The following RXFP1 variants were observed in gnomAD, a reference collection of about 807,000 sequenced individuals.
RXFP1 encodes relaxin receptor 1.
A neutral mutation model predicts 89.8 loss-of-function variants in RXFP1; 73 were observed. The ratio of observed to expected loss-of-function variants is 0.81; its 90% CI spans 0.67 to 0.99. The LOEUF (loss-of-function observed/expected upper bound fraction) is 0.99. Among genes scored for constraint, RXFP1 ranks in the 50% least tolerant of loss-of-function variants. RXFP1 has a pLI of 0.00. For synonymous variants in RXFP1, 277 were observed against 305.5 expected (o/e 0.91, Z 0.97); for missense variants, 793 against 895.5 (o/e 0.89, Z 1.46).
At chr4:158,609,142 T>C (rs1763084659) in intron 6 of RXFP1, among the ~76,000 whole-genome samples, 1 of 152,242 alleles carries the variant, frequency 6.6e-6, no homozygotes, top group South Asian at 2.1e-4. Context: ...CTTTCACTTC[T>C]TCTGGGTATA....
intron 1 of RXFP1, among the ~76,000 whole-genome samples, chr4:158,527,845 G>T (rs1579335701): frequency 6.6e-6 from 1 of 152,058 alleles, no homozygotes; most frequent in East Asian, 1.9e-4. Flanking sequence ...AGGCCATATA[G>T]CTGTGTTCCC....
chr4:158,543,977 A>G (rs2149843398), intron 1 of RXFP1: 1 of 985,476 alleles, frequency 1.0e-6, no homozygotes, highest in Admixed American at 6.1e-5. Flanking sequence ...GCATTCTGCC[A>G]TGTTTCGTCC....
intron 4 of RXFP1, among the ~76,000 whole-genome samples, chr4:158,601,521 GC>G (rs1241208443): frequency 6.6e-6 from 1 of 152,142 alleles, no homozygotes. Context: ...ATTATCTTGT[GC>G]TTTAGGTTGA....
At chr4:158,532,858 T>C (rs562015726) in intron 1 of RXFP1, among the ~76,000 whole-genome samples, 13 of 152,290 alleles carry the variant, frequency 8.5e-5, no homozygotes, top group African/African-American at 3.1e-4. Flanking sequence ...AGACCCTGCT[T>C]CTCCTAGAGA....
chr4:158,626,684 T>C (rs1766912217), intron 9 of RXFP1, 136 bp from the exon 10 acceptor site: 2 of 467,408 alleles, frequency 4.3e-6, no homozygotes, highest in Middle Eastern at 3.8e-4. Context: ...GTAATAGAAA[T>C]GGCTACAAGT....
At chr4:158,579,126 G>C (rs915727411) in intron 2 of RXFP1, among the ~76,000 whole-genome samples, 1 of 151,316 alleles carries the variant, frequency 6.6e-6, no homozygotes, top group African/African-American at 2.4e-5. Context: ...GCTGCCACAA[G>C]CCAAGGAACA....
At chr4:158,619,725 G>C (rs1427307213) in intron 9 of RXFP1, among the ~76,000 whole-genome samples, 3 of 152,028 alleles carry the variant, frequency 2.0e-5, no homozygotes, top group African/African-American at 7.2e-5. Flanking sequence ...GCCTTTGGGA[G>C]TGGGACAGAA....
chr4:158,604,253 G>A (rs888533702), intron 4 of RXFP1, among the ~76,000 whole-genome samples: 15 of 152,054 alleles, frequency 9.9e-5, no homozygotes, highest in Admixed American at 3.3e-4. Flanking sequence ...TATCCGCTCC[G>A]TGGTACTATA....
chr4:158,561,626 C>CTTTT (rs70962615), intron 1 of RXFP1, among the ~76,000 whole-genome samples: 5 of 112,614 alleles, frequency 4.4e-5, no homozygotes, highest in South Asian at 2.9e-4. Flanking sequence ...TTCTTTTTTT[C>CTTTT]TTTTTTTTTT....
At chr4:158,590,611 G>A (rs1759254174) in intron 2 of RXFP1, among the ~76,000 whole-genome samples, 1 of 152,152 alleles carries the variant, frequency 6.6e-6, no homozygotes, top group African/African-American at 2.4e-5. Flanking sequence ...GGAAGCCATA[G>A]CAATAATTTA....
chr4:158,553,803 G>A (rs1462690340), intron 1 of RXFP1, among the ~76,000 whole-genome samples: 1 of 152,084 alleles, frequency 6.6e-6, no homozygotes, highest in Non-Finnish European at 1.5e-5. Flanking sequence ...GCCAGAGAGA[G>A]ACTTTACTTC....
Position 158,621,493 on chromosome 4 carries a change from A to G in RXFP1, c.755+4288A>G, listed in dbSNP as rs553883148. 2.0e-5 allele frequency among the ~76,000 whole-genome samples: 3 copies of G among 152,348 alleles called. No homozygotes were observed. The South Asian group carries it at 6.2e-4, about 32-fold the overall frequency. On this transcript the variant is annotated intron_variant, in intron 9 of 17. Coordinates refer to ENST00000307765, the MANE Select transcript of RXFP1 (RefSeq NM_021634.4). ...TTAGTATCATCAAAAGAAAGAAGGT[A>G]TAGTGCATTGAGTAAAGTTACAAAG...
intron 14 of RXFP1, among the ~76,000 whole-genome samples, chr4:158,643,874 TTC>T (rs1358602393): frequency 6.6e-6 from 1 of 152,170 alleles, no homozygotes; most frequent in Non-Finnish European, 1.5e-5. Flanking sequence ...CAGTTCCCTT[TTC>T]TCCAGATTCT....
At chr4:158,603,758 C>T (rs533085814) in intron 4 of RXFP1, among the ~76,000 whole-genome samples, 6 of 151,812 alleles carry the variant, frequency 4.0e-5, no homozygotes, top group South Asian at 2.1e-4. Flanking sequence ...AGCGTGGTGG[C>T]GCACGCCTGT....
chr4:158,565,071 G>T (rs1753272044), intron 1 of RXFP1, among the ~76,000 whole-genome samples: 1 of 152,154 alleles, frequency 6.6e-6, no homozygotes, highest in African/African-American at 2.4e-5. Flanking sequence ...CTTAGAGGGG[G>T]CTGGTGCCTG....
At chr4:158,632,336 A>G (rs964748463) in intron 11 of RXFP1, among the ~76,000 whole-genome samples, 1 of 152,220 alleles carries the variant, frequency 6.6e-6, no homozygotes, top group Non-Finnish European at 1.5e-5. Context: ...AGGTCAAAAA[A>G]TCTAACGTTT....
At chr4:158,586,165 C>T (rs1758273970) in intron 2 of RXFP1, among the ~76,000 whole-genome samples, 1 of 152,154 alleles carries the variant, frequency 6.6e-6, no homozygotes, top group Non-Finnish European at 1.5e-5. Flanking sequence ...ATAAATGCCC[C>T]AGCTCTCAGT....
intron 12 of RXFP1, among the ~76,000 whole-genome samples, chr4:158,634,800 T>TA (rs1768820197): frequency 6.6e-6 from 1 of 152,180 alleles, no homozygotes; most frequent in African/African-American, 2.4e-5. Flanking sequence ...TCTTTCCCCA[T>TA]TGAATGTCCT....
intron 14 of RXFP1, among the ~76,000 whole-genome samples, chr4:158,644,159 G>A (rs1219728404): frequency 2.0e-5 from 3 of 148,650 alleles, no homozygotes; most frequent in Non-Finnish European, 4.4e-5. Context: ...CCATTCTCCT[G>A]CCTCAGCCTC....
Sources: allele counts gnomAD v4.1 joint callset (sites outside exome capture counted in the v4.1 genomes callset), GRCh38; gene constraint gnomAD v4.1.1; transcripts MANE v1.5; gene names NCBI Gene and HGNC (gene_info 2026-07-23, HGNC 2026-07-21).